The following ESCO2 variants were observed in gnomAD, a reference collection of about 807,000 sequenced individuals.
ESCO2 encodes N-acetyltransferase ESCO2.
ESCO2 carries 51 observed loss-of-function variants against 61.7 expected under a neutral mutation model. The ratio of observed to expected loss-of-function variants is 0.83; its 90% CI spans 0.66 to 1.04. The LOEUF is 1.04. Ranked by LOEUF, ESCO2 falls within the 50% of genes least tolerant of loss-of-function variation. The probability of loss-of-function intolerance (pLI) is 0.00; values close to 1 mark genes in which losing one functional copy is unlikely to be tolerated. For missense variants in ESCO2, 692 were observed against 686.2 expected (o/e 1.01, Z -0.09); for synonymous variants, 230 against 238.2 (o/e 0.97, Z 0.32).
chr8:27,805,368 A>C (rs1274203601), downstream of ESCO2: 1 of 151,780 alleles, frequency 6.6e-6, no homozygotes, highest in Non-Finnish European at 1.5e-5. Context: ...TTACTTTAGA[A>C]TAACTAAATA....
chr8:27,815,662 C>T (rs989087332), downstream of ESCO2, among the ~76,000 whole-genome samples: 8 of 152,150 alleles, frequency 5.3e-5, no homozygotes, highest in Admixed American at 3.3e-4. Flanking sequence ...CTACAAGGAT[C>T]CATCAGGCTA....
downstream of ESCO2, among the ~76,000 whole-genome samples, chr8:27,806,620 C>CTT (rs398067714): frequency 2.3e-3 from 314 of 136,112 alleles, 1 homozygote; most frequent in African/African-American, 8.0e-3. Context: ...TGGATACTTT[C>CTT]TTTTTTTTTT....
intron 4 of ESCO2, among the ~76,000 whole-genome samples, 177 bp downstream of exon 4, chr8:27,780,444 G>A (rs957500799): frequency 1.3e-4 from 20 of 152,174 alleles, no homozygotes; most frequent in Middle Eastern, 3.4e-3. Context: ...ATTGCGTTTT[G>A]AAAAACAAGA....
At chr8:27,790,198 A>G (rs1294565514) in intron 7 of ESCO2, among the ~76,000 whole-genome samples, 1 of 152,250 alleles carries the variant, frequency 6.6e-6, no homozygotes, top group African/African-American at 2.4e-5. Flanking sequence ...TGATGAAGCC[A>G]GACTATACCA....
Position 27,791,947 on chromosome 8 carries a change from T to A in ESCO2, c.1264-16T>A. ...TTCACAAATTAAACTGTGACCCTTT[T>A]GTTTTCCTTTGGCAGGGTTGGAAGA... On this transcript the variant is annotated splice_polypyrimidine_tract_variant and intron_variant, in intron 7 of 10. Transcript: ENST00000305188. 1 of 1,613,434 alleles carries A rather than the reference T, an allele frequency of 6.2e-7. No homozygotes were observed. The highest frequency in any genetic ancestry group is 8.5e-7 in the Non-Finnish European group (1 of 1,179,364).
In ESCO2 at chr8:27,802,640, T is replaced by A. The variant is rs1422818873; in HGVS notation, c.1674-666T>A. On this transcript the variant is annotated intron_variant, in intron 10 of 10. Coordinates refer to ENST00000305188, the MANE Select transcript of ESCO2 (RefSeq NM_001017420.3). ...AAAAAAAAAAAAAAAAATATATATATATATATATATATATATTATATATAT... is the reference window on the plus strand; with the variant it reads ...AAAAAAAAAAAAAAAAATATATATAAATATATATATATATATTATATATAT... Among the ~76,000 whole-genome samples, 148 of 67,086 alleles carry A rather than the reference T, an allele frequency of 2.2e-3. 1 individual carries two copies. The highest frequency in any genetic ancestry group is 4.7e-3 in the African/African-American group (71 of 15,266). The allele number at this position is 67,086 out of a possible 152,430, so 44.0% of individuals were successfully genotyped here.
intron 1 of ESCO2, 89 bp from the exon 2 acceptor site, chr8:27,775,410 G>C: frequency 8.8e-7 from 1 of 1,130,668 alleles, no homozygotes; most frequent in South Asian, 1.2e-5. Context: ...GTTTTAACTT[G>C]GTGTGAAATA....
chr8:27,795,311 G>T (rs28791896), intron 9 of ESCO2, among the ~76,000 whole-genome samples: 21,265 of 152,066 alleles, frequency 0.14, 1,794 homozygotes, highest in East Asian at 0.34. Context: ...TTCTTTTTAA[G>T]ATAGATCATA....
rs1383233518 is a variant in ESCO2 at position 27,803,330 on chromosome 8, T to C, written c.1698T>C (p.Phe566=). 3.7e-6 allele frequency: 6 copies of C among 1,614,010 alleles called. No homozygotes were observed. Among genetic ancestry groups the C allele is most frequent in the Non-Finnish European group, 5.1e-6 (6 of 1,180,022 alleles). ...GGAATTGCTTCATGTTTGGCTGTTT[T>C]CTCAGCACTGATGAAATAGCATTTT... ...TLRNCFMFGC[F]LSTDEIAFSD... is the part of the protein sequence containing the mutation. Residue 566 remains phenylalanine (F), a synonymous_variant, in exon 11 of 11, where the codon TTT becomes TTC. Transcript: ENST00000305188.
At chr8:27,777,415 C>T in intron 3 of ESCO2, 1 of 291,406 alleles carries the variant, frequency 3.4e-6, no homozygotes, top group South Asian at 4.4e-5. Flanking sequence ...AATCCCACCT[C>T]AGCCTCCCAA....
In ESCO2 at chr8:27,788,837, C is replaced by G; in HGVS notation, c.1132-10C>G. 1.2e-6 allele frequency: 2 copies of G among 1,613,896 alleles called. No individual in the cohort carries two copies. The highest frequency in any genetic ancestry group is 1.7e-6 in the Non-Finnish European group (2 of 1,179,946). ...TTAAATGGGTTTCTTTTTTTACCCC[C>G]CAATTATAGGACGCTGGTCAGAAAC... On this transcript the variant is annotated splice_polypyrimidine_tract_variant and intron_variant, in intron 6 of 10. Coordinates refer to ENST00000305188, the MANE Select transcript of ESCO2 (RefSeq NM_001017420.3).
rs1047886841 is a variant in ESCO2 at position 27,804,765 on chromosome 8, A to T, written c.*1327A>T. The stretch of plus-strand genomic sequence containing the variant: ...CCCAAAAGAATGTGGAAGTATTAAA[A>T]TGTATGTAATTATGCAAACATTTTA... On this transcript the variant is annotated 3_prime_UTR_variant, in exon 11 of 11. Transcript: ENST00000305188. The T allele has an allele frequency of 1.1e-5, 11 of 983,672 alleles. No individual in the cohort carries two copies. The highest frequency in any genetic ancestry group is 1.2e-5 in the Non-Finnish European group (10 of 828,346). 60.9% of individuals were successfully genotyped at this position (983,672 alleles called of 1,614,324 possible).
chr8:27,780,330 A>G (rs967037326), intron 4 of ESCO2, 63 bp downstream of exon 4: 13 of 1,055,966 alleles, frequency 1.2e-5, no homozygotes, highest in South Asian at 8.0e-5. Flanking sequence ...ACATTATACA[A>G]TAATAATTCT....
the ESCO2 span, among the ~76,000 whole-genome samples, chr8:27,818,623 C>G: frequency 1.3e-5 from 2 of 151,968 alleles, no homozygotes; most frequent in African/African-American, 4.8e-5. Flanking sequence ...TTATCTGTTT[C>G]TCATTGATTA....
At chr8:27,795,832 A>T (rs1341336849) in intron 9 of ESCO2, among the ~76,000 whole-genome samples, 1 of 152,196 alleles carries the variant, frequency 6.6e-6, no homozygotes, top group African/African-American at 2.4e-5. Flanking sequence ...GCATCCAGGG[A>T]TAAAGTCCAC....
At position 27,805,188 on chromosome 8, in the gene ESCO2, A is replaced by G. The variant is rs1805535587; in HGVS notation, c.*1750A>G. 8.6e-6 allele frequency: 1 copy of G among 116,708 alleles called. No homozygotes were observed. Among genetic ancestry groups the G allele is most frequent in the African/African-American group, 3.3e-5 (1 of 29,986 alleles). The allele number at this position is 116,708 out of a possible 1,614,324, so 7.2% of individuals were successfully genotyped here. ...TCCCAGCTACTCGGGAGGCTGAGGC[A>G]GGAGAATGGCGTGAACCCGGGAGGC... On this transcript the variant is annotated 3_prime_UTR_variant, in exon 11 of 11. Transcript: ENST00000305188.
At chr8:27,802,124 C>T (rs1284931972) in intron 10 of ESCO2, among the ~76,000 whole-genome samples, 1 of 135,962 alleles carries the variant, frequency 7.4e-6, no homozygotes, top group Non-Finnish European at 1.6e-5. Flanking sequence ...TAGAATATCC[C>T]TCAATTTTGA....
At chr8:27,780,547 G>A (rs1804903470) in intron 4 of ESCO2, among the ~76,000 whole-genome samples, 1 of 152,168 alleles carries the variant, frequency 6.6e-6, no homozygotes, top group African/African-American at 2.4e-5. Context: ...CTAGAGTTGA[G>A]TGTTCTCATT....
At chr8:27,817,626 G>A (rs1805844075), downstream of ESCO2, among the ~76,000 whole-genome samples, 1 of 151,488 alleles carries the variant, frequency 6.6e-6, no homozygotes, top group Admixed American at 6.6e-5. Context: ...AATATATCAG[G>A]TTATTATAAA....
Sources: allele counts gnomAD v4.1 joint callset (sites outside exome capture counted in the v4.1 genomes callset), GRCh38; gene constraint gnomAD v4.1.1; transcripts MANE v1.5; gene names NCBI Gene and HGNC (gene_info 2026-07-23, HGNC 2026-07-21).